Variants in RTL4 observed in about 807,000 individuals in gnomAD.
The protein encoded by RTL4 is retrotransposon Gag like 4, also known as retrotransposon Gag-like protein 4.
Under a neutral mutation model 5.3 loss-of-function variants are expected in RTL4, and 4 were observed. The observed-to-expected ratio is 0.75, with a 90% CI of 0.37 to 1.72. The LOEUF (loss-of-function observed/expected upper bound fraction) is 1.72, where lower values mean the gene tolerates loss of function less well. Among genes scored for constraint, RTL4 ranks in the 40% most tolerant of loss-of-function variants. RTL4 has a pLI of 0.04. For missense variants in RTL4, 260 were observed against 227.1 expected, an observed-to-expected ratio of 1.14 and a Z score of -0.93; for synonymous variants, 98 against 87.3, an observed-to-expected ratio of 1.12 and a Z score of -0.68.
the RTL4 span, among the ~76,000 whole-genome samples, chrX:112,404,746 A>G: frequency 1.8e-5 from 2 of 112,858 alleles, no homozygotes; most frequent in East Asian, 2.8e-4. Context: ...ATAGCTTTGC[A>G]CCATGGGAGT....
chrX:112,094,376 G>T, the RTL4 span, among the ~76,000 whole-genome samples: 3 of 110,751 alleles, frequency 2.7e-5, no homozygotes, highest in Non-Finnish European at 5.7e-5. Context: ...TATCTTAGGG[G>T]GAGAATATGA....
At chrX:112,245,367 C>T in the RTL4 span, among the ~76,000 whole-genome samples, 1 of 111,688 alleles carries the variant, frequency 9.0e-6, no homozygotes, top group Admixed American at 9.4e-5. Flanking sequence ...CACATAGTCC[C>T]ATATTTCTTG....
the RTL4 span, among the ~76,000 whole-genome samples, chrX:112,236,943 C>A: frequency 9.0e-6 from 1 of 111,239 alleles, no homozygotes; most frequent in East Asian, 2.8e-4. Context: ...GGGTCAAACA[C>A]AGAAGGCAAT....
chrX:112,185,373 A>AT, the RTL4 span, among the ~76,000 whole-genome samples: 420 of 83,568 alleles, frequency 5.0e-3, 3 homozygotes, highest in South Asian at 8.0e-3. Context: ...CAGCTATTTT[A>AT]TTAATATATA....
chrX:112,090,017 ATTG>A, the RTL4 span, among the ~76,000 whole-genome samples: 1 of 110,838 alleles, frequency 9.0e-6, no homozygotes, highest in Non-Finnish European at 1.9e-5. Context: ...TGATTACTAA[ATTG>A]TTTTCTGAAA....
the RTL4 span, among the ~76,000 whole-genome samples, chrX:112,231,465 C>T: frequency 9.4e-6 from 1 of 106,683 alleles, no homozygotes; most frequent in Non-Finnish European, 1.9e-5. Flanking sequence ...AGCAAACTAA[C>T]ACAAGGACAA....
chrX:112,422,240 T>C, the RTL4 span, among the ~76,000 whole-genome samples: 1 of 111,747 alleles, frequency 8.9e-6, no homozygotes. Context: ...TTAACATTTA[T>C]AGAGTGACTA....
At chrX:112,378,686 T>C in the RTL4 span, among the ~76,000 whole-genome samples, 1 of 111,922 alleles carries the variant, frequency 8.9e-6, no homozygotes, top group South Asian at 3.7e-4. Context: ...GCCTTTGTCA[T>C]TGACAACCTC....
chrX:112,410,592 A>G, the RTL4 span, among the ~76,000 whole-genome samples: 1 of 112,150 alleles, frequency 8.9e-6, no homozygotes, highest in Admixed American at 9.5e-5. Context: ...TTTGGAAACT[A>G]TAAAAACACA....
the RTL4 span, among the ~76,000 whole-genome samples, chrX:112,099,289 G>T: frequency 8.9e-6 from 1 of 112,002 alleles, no homozygotes; most frequent in African/African-American, 3.2e-5. Context: ...TGCTACGAAA[G>T]ATAGTCACTA....
At chrX:112,347,710 C>A in the RTL4 span, among the ~76,000 whole-genome samples, 2 of 111,413 alleles carry the variant, frequency 1.8e-5, no homozygotes, top group African/African-American at 3.3e-5. Flanking sequence ...AACTGAGTGG[C>A]TAATCAACCA....
At chrX:112,174,986 G>T in the RTL4 span, among the ~76,000 whole-genome samples, 1 of 76,581 alleles carries the variant, frequency 1.3e-5, no homozygotes, top group Non-Finnish European at 2.5e-5. Context: ...TGAGCCCTTT[G>T]TCAGATGAGT....
the RTL4 span, among the ~76,000 whole-genome samples, chrX:112,359,466 A>G: frequency 2.7e-5 from 3 of 111,386 alleles, no homozygotes; most frequent in Non-Finnish European, 5.7e-5. Flanking sequence ...TTTTTTATGT[A>G]ATGGAAATAG....
the RTL4 span, among the ~76,000 whole-genome samples, chrX:112,093,216 C>T: frequency 9.0e-6 from 1 of 111,537 alleles, no homozygotes; most frequent in Non-Finnish European, 1.9e-5. Flanking sequence ...TGGGTTTTGG[C>T]ACCTCCAATA....
At chrX:112,099,636 G>A in the RTL4 span, among the ~76,000 whole-genome samples, 31 of 111,274 alleles carry the variant, frequency 2.8e-4, no homozygotes, top group African/African-American at 8.8e-4. Context: ...GAGTGTGTCC[G>A]ATTGTCAAAG....
At chrX:112,207,795 A>G in the RTL4 span, among the ~76,000 whole-genome samples, 1 of 110,820 alleles carries the variant, frequency 9.0e-6, no homozygotes, top group African/African-American at 3.3e-5. Context: ...CCTAAGACTC[A>G]CCATGGAATC....
the RTL4 span, among the ~76,000 whole-genome samples, chrX:112,133,614 T>C: frequency 7.2e-5 from 8 of 111,822 alleles, no homozygotes; most frequent in African/African-American, 2.6e-4. Context: ...ATTTGGAGTT[T>C]AGCATTTATG....
chrX:112,413,904 C>T, the RTL4 span, among the ~76,000 whole-genome samples: 3 of 110,432 alleles, frequency 2.7e-5, no homozygotes, highest in African/African-American at 9.9e-5. Context: ...TCCCATTTAC[C>T]CTGATGTGAT....
the RTL4 span, among the ~76,000 whole-genome samples, chrX:112,148,906 A>G: frequency 9.0e-6 from 1 of 111,374 alleles, no homozygotes; most frequent in Non-Finnish European, 1.9e-5. Context: ...CATCCCATTG[A>G]TGTGTCATTT....
Sources: gnomAD v4.1 joint callset for allele counts (sites outside exome capture counted in the v4.1 genomes callset) on GRCh38, gnomAD v4.1.1 for gene constraint, MANE v1.5 for transcripts, NCBI Gene and HGNC (gene_info 2026-07-23, HGNC 2026-07-21) for gene names.